The following ATG16L1 variants were observed in gnomAD, a reference collection of about 807,000 sequenced individuals.
ATG16L1 encodes autophagy-related protein 16-1.
In ATG16L1, 37 loss-of-function variants were observed where a neutral mutation model predicts 88.5. The ratio of observed to expected loss-of-function variants is 0.42; its 90% CI spans 0.32 to 0.55. The LOEUF is 0.55. Among genes scored for constraint, ATG16L1 ranks in the 20% least tolerant of loss-of-function variants. The pLI, the probability that ATG16L1 is intolerant of heterozygous loss-of-function variation, is 0.13. For missense variants in ATG16L1, 554 were observed against 752.8 expected (o/e 0.74, Z 3.09); for synonymous variants, 301 against 281.0 (o/e 1.07, Z -0.71).
intron 2 of ATG16L1, among the ~76,000 whole-genome samples, chr2:233,258,836 C>G (rs1696996494): frequency 1.3e-5 from 2 of 152,046 alleles, no homozygotes; most frequent in African/African-American, 4.8e-5. Context: ...AGCTGGGAGA[C>G]TATAGGTGTG....
intron 2 of ATG16L1, among the ~76,000 whole-genome samples, chr2:233,257,535 A>G (rs1312523325): frequency 6.6e-6 from 1 of 152,198 alleles, no homozygotes; most frequent in African/African-American, 2.4e-5. Context: ...GTAACCTATG[A>G]TACTCAGTAG....
Position 233,292,290 on chromosome 2 carries a change from G to A in ATG16L1, c.1580+13G>A, listed in dbSNP as rs1038220254. ...AGCAGACATTCAGGTAACTGAAGAT[G>A]TGCTGGTTGCATGAAGACCAGAGGC... is the stretch of plus-strand genomic sequence containing the variant. On this transcript the variant is annotated intron_variant, in intron 15 of 17. Coordinates refer to ENST00000392017, the MANE Select transcript of ATG16L1 (RefSeq NM_030803.7). 1 of 1,614,064 alleles carries A rather than the reference G, an allele frequency of 6.2e-7. No individual in the cohort carries two copies. The highest frequency in any genetic ancestry group is 1.3e-5 in the African/African-American group (1 of 74,900).
intron 1 of ATG16L1, among the ~76,000 whole-genome samples, chr2:233,255,281 C>G (rs899351398): frequency 1.3e-5 from 2 of 152,170 alleles, no homozygotes; most frequent in Non-Finnish European, 2.9e-5. Flanking sequence ...GCCTATTACA[C>G]TTAACTACGT....
chr2:233,287,551 C>T (rs1291223658), intron 12 of ATG16L1, among the ~76,000 whole-genome samples: 33 of 152,166 alleles, frequency 2.2e-4, no homozygotes, highest in Non-Finnish European at 4.9e-4. Flanking sequence ...AATATAAATA[C>T]AAATTTGAAA....
intron 2 of ATG16L1, among the ~76,000 whole-genome samples, chr2:233,258,019 ATC>A (rs770920643): frequency 0.08 from 11,091 of 138,236 alleles, 561 homozygotes; most frequent in African/African-American, 0.12. Flanking sequence ...AAAAAAAAAT[ATC>A]TATATATCTA....
chr2:233,282,218 GTGCTTC>G (rs997424231), intron 11 of ATG16L1, among the ~76,000 whole-genome samples: 63 of 152,322 alleles, frequency 4.1e-4, no homozygotes, highest in Admixed American at 2.6e-4. Context: ...CGTGCGTTCA[GTGCTTC>G]TGCAGAGATG....
chr2:233,281,399 T>C (rs956580046), intron 11 of ATG16L1, among the ~76,000 whole-genome samples: 1 of 152,200 alleles, frequency 6.6e-6, no homozygotes, highest in Non-Finnish European at 1.5e-5. Context: ...TGTTACTCAG[T>C]ACTTTGTATA....
intron 17 of ATG16L1, 69 bp from the exon 18 acceptor site, chr2:233,294,188 T>C (rs939215163): frequency 3.6e-5 from 45 of 1,243,422 alleles, no homozygotes; most frequent in Non-Finnish European, 4.9e-5. Context: ...AAGCTTCTGG[T>C]GTTTGGTTTA....
chr2:233,285,000 G>A (rs1350809027), intron 12 of ATG16L1, among the ~76,000 whole-genome samples: 1 of 152,248 alleles, frequency 6.6e-6, no homozygotes, highest in African/African-American at 2.4e-5. Flanking sequence ...GAGCTGAGGA[G>A]CCTATGTTCT....
At chr2:233,253,017 A>C (rs1241278056) in intron 1 of ATG16L1, among the ~76,000 whole-genome samples, 1 of 152,210 alleles carries the variant, frequency 6.6e-6, no homozygotes, top group Non-Finnish European at 1.5e-5. Flanking sequence ...AAAAATTACA[A>C]ATCCCAAGCC....
chr2:233,258,982 G>A (rs1697008756), intron 2 of ATG16L1, among the ~76,000 whole-genome samples: 1 of 152,146 alleles, frequency 6.6e-6, no homozygotes, highest in South Asian at 2.1e-4. Context: ...TTACAGGCAT[G>A]AGCCACCACA....
intron 12 of ATG16L1, among the ~76,000 whole-genome samples, chr2:233,289,216 A>G (rs1308654104): frequency 6.6e-6 from 1 of 152,076 alleles, no homozygotes; most frequent in Admixed American, 6.6e-5. Flanking sequence ...GGTGCTAGTG[A>G]TGTTGAATTT....
At chr2:233,283,304 G>T (rs1358515575) in intron 12 of ATG16L1, among the ~76,000 whole-genome samples, 3 of 152,106 alleles carry the variant, frequency 2.0e-5, no homozygotes, top group Non-Finnish European at 2.9e-5. Context: ...TATCATTTTT[G>T]ATTGGGGCAG....
chr2:233,270,113 C>T, intron 6 of ATG16L1, 46 bp downstream of exon 6: 1 of 1,519,342 alleles, frequency 6.6e-7, no homozygotes, highest in Non-Finnish European at 8.8e-7. Flanking sequence ...GAAAATTTGG[C>T]TCTCTTAAAA....
intron 14 of ATG16L1, among the ~76,000 whole-genome samples, chr2:233,291,158 G>C (rs1398871452): frequency 6.6e-6 from 1 of 152,170 alleles, no homozygotes; most frequent in East Asian, 1.9e-4. Context: ...CTCCCAGCAG[G>C]GTTGTAGAGA....
intron 9 of ATG16L1, 38 bp downstream of exon 9, chr2:233,274,816 T>C: frequency 5.3e-6 from 8 of 1,497,926 alleles, no homozygotes; most frequent in Non-Finnish European, 6.5e-6. Flanking sequence ...CCACGCTTGA[T>C]ATGGTGACAG....
rs372958664 is a variant in ATG16L1, at chr2:233,274,563, A to G, written c.852-113A>G. The G allele has an allele frequency of 4.4e-5, 30 of 688,234 alleles. No individual in the cohort carries two copies. In the Middle Eastern group the frequency reaches 9.9e-4, roughly 23 times the overall value. 42.6% of individuals were successfully genotyped at this position (688,234 alleles called of 1,614,324 possible). On this transcript the variant is annotated intron_variant, in intron 8 of 17. Coordinates refer to ENST00000392017, the MANE Select transcript of ATG16L1 (RefSeq NM_030803.7). Reference sequence around the variant, plus strand: ...TTTGAAGAATCTAGAAGGACAGGCTATCAACAGAGGCAGTCTGCTTAAGCA... The same window carrying G: ...TTTGAAGAATCTAGAAGGACAGGCTGTCAACAGAGGCAGTCTGCTTAAGCA...
Position 233,294,300 on chromosome 2 carries a change from G to A in ATG16L1, c.1774G>A (p.Val592Ile), listed in dbSNP as rs576438723. 12 of 1,613,270 alleles carry A rather than the reference G, an allele frequency of 7.4e-6. No individual in the cohort carries two copies. The highest frequency in any genetic ancestry group is 2.7e-5 in the African/African-American group (2 of 75,034). Residue 592 changes from valine (V) to isoleucine (I), a missense_variant, in exon 18 of 18, where the codon GTT becomes ATT. By Grantham distance (29) the Val-to-Ile change is conservative. This residue lies in a region of ATG16L1 where 370 missense variants were observed against 509.7 expected (regional missense o/e 0.73). Transcript: ENST00000392017. ...GGCGTGGTCGCCCTCTGGCTCGCACGTTGTCAGTGTGGACAAAGGATGCAA... is the reference window on the plus strand; with the variant it reads ...GGCGTGGTCGCCCTCTGGCTCGCACATTGTCAGTGTGGACAAAGGATGCAA... ...AVAWSPSGSH[V>I]VSVDKGCKAV...
At chr2:233,252,566 T>A (rs1371913409) in intron 1 of ATG16L1, among the ~76,000 whole-genome samples, 2 of 151,854 alleles carry the variant, frequency 1.3e-5, no homozygotes, top group Admixed American at 6.6e-5. Context: ...TAAAAAAAAA[T>A]TTTTTGGAAC....
Sources: allele counts gnomAD v4.1 joint callset (sites outside exome capture counted in the v4.1 genomes callset), GRCh38; gene constraint gnomAD v4.1.1; regional missense constraint gnomAD v4.1.1; transcripts MANE v1.5; gene names NCBI Gene and HGNC (gene_info 2026-07-23, HGNC 2026-07-21).